TMEM164: variants seen among roughly 807,000 people sequenced by gnomAD.
TMEM164 encodes transmembrane protein 164.
A neutral mutation model predicts 18.8 loss-of-function variants in TMEM164; 4 were observed. The ratio of observed to expected loss-of-function variants is 0.21; its 90% CI spans 0.10 to 0.49. The LOEUF is 0.49. Ranked by LOEUF, TMEM164 falls within the 20% of genes least tolerant of loss-of-function variation. The pLI, the probability that TMEM164 is intolerant of heterozygous loss-of-function variation, is 0.98. For missense variants in TMEM164, 108 were observed against 239.9 expected (o/e 0.45, Z 3.63); for synonymous variants, 86 against 101.7 (o/e 0.85, Z 0.93).
intron 3 of TMEM164, among the ~76,000 whole-genome samples, chrX:110,076,591 G>C (rs1321566638): frequency 9.0e-6 from 1 of 111,133 alleles, no homozygotes; most frequent in Non-Finnish European, 1.9e-5. Context: ...CTAACTTCTT[G>C]ATGTAGGCAT....
At chrX:110,010,315 A>G (rs182172038) in intron 2 of TMEM164, among the ~76,000 whole-genome samples, 23 of 112,764 alleles carry the variant, frequency 2.0e-4, no homozygotes, top group Admixed American at 5.6e-4. Context: ...GTTATGCCTC[A>G]TTGAAATGAA....
intron 2 of TMEM164, among the ~76,000 whole-genome samples, chrX:110,035,517 T>A (rs1267194279): frequency 1.8e-5 from 2 of 109,767 alleles, no homozygotes; most frequent in Non-Finnish European, 3.8e-5. Context: ...TTTTTTTTTT[T>A]AGGGGGGATG....
intron 4 of TMEM164, among the ~76,000 whole-genome samples, chrX:110,135,554 A>G (rs1038657366): frequency 8.9e-6 from 1 of 112,007 alleles, no homozygotes; most frequent in African/African-American, 3.2e-5. Flanking sequence ...GTTTTCATAG[A>G]TATTGACAAA....
intron 4 of TMEM164, among the ~76,000 whole-genome samples, chrX:110,133,120 T>C (rs2066635608): frequency 9.0e-6 from 1 of 111,674 alleles, no homozygotes; most frequent in East Asian, 2.8e-4. Flanking sequence ...TTTTTTCCTC[T>C]GTGTCTGTCT....
At chrX:110,095,347 G>T (rs2065999398) in intron 3 of TMEM164, among the ~76,000 whole-genome samples, 1 of 111,744 alleles carries the variant, frequency 8.9e-6, no homozygotes, top group Non-Finnish European at 1.9e-5. Flanking sequence ...TTTTCACATA[G>T]TCCCATATTT....
chrX:110,147,235 G>A (rs984516325), intron 5 of TMEM164, among the ~76,000 whole-genome samples: 77 of 111,512 alleles, frequency 6.9e-4, no homozygotes, highest in African/African-American at 2.3e-3. Flanking sequence ...CAAACTTGTT[G>A]CCTGTGGCCC....
intron 4 of TMEM164, among the ~76,000 whole-genome samples, chrX:110,123,877 C>T (rs1199787025): frequency 9.0e-6 from 1 of 111,311 alleles, no homozygotes; most frequent in Non-Finnish European, 1.9e-5. Flanking sequence ...GTCAGAAGGC[C>T]GATGTGGGAG....
At chrX:110,138,235 A>G in intron 4 of TMEM164, among the ~76,000 whole-genome samples, 1 of 112,661 alleles carries the variant, frequency 8.9e-6, no homozygotes, top group South Asian at 3.6e-4. Flanking sequence ...ACTATATGCC[A>G]GCACTGGGCC....
intron 2 of TMEM164, among the ~76,000 whole-genome samples, chrX:110,006,602 A>T (rs1385002726): frequency 9.0e-6 from 1 of 111,616 alleles, no homozygotes; most frequent in African/African-American, 3.3e-5. Context: ...AAAAAAAAAA[A>T]ATTAACAGCA....
chrX:110,128,496 C>T (rs1475572074), intron 4 of TMEM164, among the ~76,000 whole-genome samples: 3 of 111,793 alleles, frequency 2.7e-5, no homozygotes, highest in African/African-American at 9.8e-5. Context: ...TGCAATTTTG[C>T]TATATGTTTC....
intron 5 of TMEM164, among the ~76,000 whole-genome samples, chrX:110,149,033 G>A (rs1438997236): frequency 1.8e-5 from 2 of 110,121 alleles, no homozygotes; most frequent in Admixed American, 9.7e-5. Context: ...TCTTATCCAC[G>A]TAACCATGTG....
At chrX:110,054,835 A>C (rs2147817246) in intron 2 of TMEM164, among the ~76,000 whole-genome samples, 1 of 111,886 alleles carries the variant, frequency 8.9e-6, no homozygotes, top group South Asian at 3.7e-4. Flanking sequence ...CTTCTTAATA[A>C]ATCACCAGGC....
At chrX:110,053,310 CTG>C (rs1935657480) in intron 2 of TMEM164, among the ~76,000 whole-genome samples, 1 of 111,516 alleles carries the variant, frequency 9.0e-6, no homozygotes, top group African/African-American at 3.3e-5. Context: ...GCTAGCCAGA[CTG>C]TGAGCTTCTT....
chrX:110,017,446 C>CTTTCTTTCTT (rs1307149121), intron 2 of TMEM164, among the ~76,000 whole-genome samples: 76 of 79,125 alleles, frequency 9.6e-4, no homozygotes, highest in African/African-American at 3.7e-3. Flanking sequence ...TTCTTTCTTT[C>CTTTCTTTCTT]TCTCTCTCTC....
intron 3 of TMEM164, among the ~76,000 whole-genome samples, chrX:110,074,372 C>T (rs1003621871): frequency 1.8e-5 from 2 of 111,442 alleles, no homozygotes; most frequent in Non-Finnish European, 3.8e-5. Flanking sequence ...TTGTCAGATG[C>T]GTAGTTTGTG....
intron 4 of TMEM164, among the ~76,000 whole-genome samples, chrX:110,143,220 C>T (rs2066795961): frequency 8.9e-6 from 1 of 112,262 alleles, no homozygotes; most frequent in Non-Finnish European, 1.9e-5. Flanking sequence ...GAGGATAATA[C>T]TTTACCTGTC....
At chrX:110,150,841 A>G (rs2066929170) in intron 5 of TMEM164, among the ~76,000 whole-genome samples, 1 of 111,227 alleles carries the variant, frequency 9.0e-6, no homozygotes, top group African/African-American at 3.3e-5. Context: ...ATAATATTAC[A>G]TTGTGTGGAT....
intron 3 of TMEM164, among the ~76,000 whole-genome samples, chrX:110,088,230 G>A (rs754457117): frequency 8.9e-6 from 1 of 111,965 alleles, no homozygotes; most frequent in East Asian, 2.8e-4. Flanking sequence ...TAAATGTCTT[G>A]GAATGATTTT....
chrX:110,092,092 T>A (rs1248209414), intron 3 of TMEM164, among the ~76,000 whole-genome samples: 7 of 112,270 alleles, frequency 6.2e-5, no homozygotes, highest in Non-Finnish European at 9.4e-5. Context: ...ACCAGTACCA[T>A]GCTGTTTTGG....
Sources: gnomAD v4.1 joint callset for allele counts (sites outside exome capture counted in the v4.1 genomes callset) on GRCh38, gnomAD v4.1.1 for gene constraint, MANE v1.5 for transcripts, NCBI Gene and HGNC (gene_info 2026-07-23, HGNC 2026-07-21) for gene names.